Variants in SMIM23 observed in about 807,000 individuals in gnomAD.
The protein encoded by SMIM23 is small integral membrane protein 23.
In SMIM23, 10 loss-of-function variants were observed where a neutral mutation model predicts 12.8. The observed-to-expected ratio is 0.78, with a 90% confidence interval of 0.48 to 1.32. The LOEUF (loss-of-function observed/expected upper bound fraction) is 1.32, where lower values mean the gene tolerates loss of function less well. Ranked by LOEUF, SMIM23 falls within the 40% of genes most tolerant of loss-of-function variation. The pLI is 0.00. For synonymous variants in SMIM23, 78 were observed against 80.1 expected (o/e 0.97, Z 0.14); for missense variants, 184 against 198.2 (o/e 0.93, Z 0.43).
chr5:171,783,274 A>G (rs1426212178), upstream of SMIM23, among the ~76,000 whole-genome samples: 1 of 152,252 alleles, frequency 6.6e-6, no homozygotes, highest in Admixed American at 6.5e-5. Flanking sequence ...TTCCTATCAC[A>G]ATCCCAGCTG....
chr5:171,782,083 C>A (rs1044688415), upstream of SMIM23, among the ~76,000 whole-genome samples: 1 of 152,184 alleles, frequency 6.6e-6, no homozygotes, highest in African/African-American at 2.4e-5. Flanking sequence ...TTTGTTGTTT[C>A]GCTCTTCACA....
upstream of SMIM23, among the ~76,000 whole-genome samples, chr5:171,780,996 T>C (rs953920779): frequency 3.3e-5 from 5 of 152,202 alleles, no homozygotes; most frequent in Non-Finnish European, 7.3e-5. Context: ...GAGACAAAAA[T>C]ATGATTTACT....
chr5:171,791,092 T>C lies in SMIM23; in HGVS notation c.*4T>C, dbSNP rs1755917798. The C allele has an allele frequency of 5.4e-6, 8 of 1,472,904 alleles. No homozygotes were observed. In the Admixed American group the frequency reaches 2.0e-4, roughly 37 times the overall value. 91.2% of individuals were successfully genotyped at this position (1,472,904 alleles called of 1,614,324 possible). ...TCTAAGCGGGGCAGAGCTCTGACTCTTGAAGTTCCAGTCAGGCAAGAAAAT... is the reference window on the plus strand; with the variant it reads ...TCTAAGCGGGGCAGAGCTCTGACTCCTGAAGTTCCAGTCAGGCAAGAAAAT... On this transcript the variant is annotated 3_prime_UTR_variant, in exon 4 of 4. Coordinates refer to ENST00000523047, the MANE Select transcript of SMIM23 (RefSeq NM_001289970.2).
chr5:171,773,523 T>C, the SMIM23 span: 1 of 321,286 alleles, frequency 3.1e-6, no homozygotes, highest in Non-Finnish European at 6.0e-6. Flanking sequence ...ATTCTGAAGA[T>C]GTGGAAGGCT....
At position 171,790,119 on chromosome 5, in the gene SMIM23, A is replaced by G; in HGVS notation, c.106-111A>G. ...ATAACTAGAACAAAAGTTAAACTCA[A>G]AAAACTGTCTTATAAGCATTCCCAT... is the stretch of plus-strand genomic sequence containing the variant. On this transcript the variant is annotated intron_variant, in intron 1 of 3. Transcript: ENST00000523047. 4 of 1,103,222 alleles carry G rather than the reference A, an allele frequency of 3.6e-6. No individual in the cohort carries two copies. The South Asian group carries it at 5.6e-5, about 15-fold the overall frequency. 68.3% of individuals were successfully genotyped at this position (1,103,222 alleles called of 1,614,324 possible).
chr5:171,785,792 T>G, upstream of SMIM23: 2 of 1,142,456 alleles, frequency 1.8e-6, no homozygotes, highest in Non-Finnish European at 2.5e-6. Context: ...GCAGGATGCC[T>G]GGTGACCACA....
upstream of SMIM23, among the ~76,000 whole-genome samples, chr5:171,779,880 G>T (rs1314138641): frequency 6.6e-6 from 1 of 151,936 alleles, no homozygotes; most frequent in Non-Finnish European, 1.5e-5. Flanking sequence ...AAGGGGGGAA[G>T]AGAGAGAAAC....
intron 2 of SMIM23, 97 bp downstream of exon 2, chr5:171,790,378 C>G: frequency 6.7e-7 from 1 of 1,491,518 alleles, no homozygotes; most frequent in Non-Finnish European, 9.0e-7. Flanking sequence ...ACCTCCATAA[C>G]CCACCTTCTC....
At chr5:171,774,540 T>C in the SMIM23 span, 2 of 456,164 alleles carry the variant, frequency 4.4e-6, no homozygotes, top group South Asian at 1.5e-5. Flanking sequence ...CCTTGTGGGT[T>C]TGAAGTTCCT....
At chr5:171,777,055 C>CTT in the SMIM23 span, among the ~76,000 whole-genome samples, 1 of 141,526 alleles carries the variant, frequency 7.1e-6, no homozygotes. Flanking sequence ...CTTCCCCCTC[C>CTT]TTTTTTTTTT....
At chr5:171,779,386 G>A (rs990114598), upstream of SMIM23, among the ~76,000 whole-genome samples, 3 of 152,172 alleles carry the variant, frequency 2.0e-5, no homozygotes, top group Admixed American at 6.5e-5. Context: ...GTACCTGTAT[G>A]CATCTGAGTT....
At chr5:171,786,481 A>G (rs1755819361) in intron 1 of SMIM23, among the ~76,000 whole-genome samples, 1 of 152,188 alleles carries the variant, frequency 6.6e-6, no homozygotes, top group South Asian at 2.1e-4. Context: ...AGAAAGGCAA[A>G]AGGGCCGTAC....
chr5:171,774,637 C>T, the SMIM23 span: 1 of 441,756 alleles, frequency 2.3e-6, no homozygotes, highest in African/African-American at 2.2e-5. Flanking sequence ...CCTTCACAGG[C>T]TCCTTTGAAC....
chr5:171,788,156 A>G (rs1347175101), intron 1 of SMIM23, among the ~76,000 whole-genome samples: 1 of 141,754 alleles, frequency 7.1e-6, no homozygotes, highest in African/African-American at 3.1e-5. Context: ...ATGTCAGTCA[A>G]TATGCACACA....
intron 1 of SMIM23, among the ~76,000 whole-genome samples, chr5:171,788,630 G>A (rs1232974561): frequency 6.6e-6 from 1 of 152,048 alleles, no homozygotes; most frequent in Non-Finnish European, 1.5e-5. Flanking sequence ...ATCTTCCTTG[G>A]CAGTACAACT....
At chr5:171,785,259 A>C, upstream of SMIM23, among the ~76,000 whole-genome samples, 1 of 152,094 alleles carries the variant, frequency 6.6e-6, no homozygotes, top group Non-Finnish European at 1.5e-5. Context: ...GTGATCTCCT[A>C]CTGCAGTGAG....
intron 1 of SMIM23, among the ~76,000 whole-genome samples, chr5:171,786,310 G>A (rs1266017817): frequency 6.6e-6 from 1 of 152,134 alleles, no homozygotes; most frequent in East Asian, 1.9e-4. Context: ...CTCCTGAATT[G>A]GAGCGCTCCT....
chr5:171,774,154 T>G, the SMIM23 span, among the ~76,000 whole-genome samples: 1 of 152,192 alleles, frequency 6.6e-6, no homozygotes, highest in Non-Finnish European at 1.5e-5. Context: ...ATCAAGATTT[T>G]GGTGACATTA....
upstream of SMIM23, among the ~76,000 whole-genome samples, chr5:171,784,637 A>G (rs1209625521): frequency 1.3e-5 from 2 of 152,186 alleles, no homozygotes; most frequent in African/African-American, 4.8e-5. Context: ...TTCTTATAAA[A>G]CTATCATGCC....
Sources: allele counts gnomAD v4.1 joint callset (sites outside exome capture counted in the v4.1 genomes callset), GRCh38; gene constraint gnomAD v4.1.1; transcripts MANE v1.5; gene names NCBI Gene and HGNC (gene_info 2026-07-23, HGNC 2026-07-21).